The following HIC2 variants were observed in gnomAD, a reference collection of about 807,000 sequenced individuals.
The protein encoded by HIC2 is HIC ZBTB transcriptional repressor 2.
HIC2 carries 2 observed loss-of-function variants against 39.5 expected under a neutral mutation model. The observed-to-expected ratio is 0.05, with a 90% CI of 0.02 to 0.16. The LOEUF is 0.16. Ranked by LOEUF, HIC2 falls within the 10% of genes least tolerant of loss-of-function variation. The pLI is 1.00. For missense variants in HIC2, 713 were observed against 863.5 expected (o/e 0.83, Z 2.18); for synonymous variants, 399 against 368.8 (o/e 1.08, Z -0.94).
chr22:21,445,169 G>T lies in HIC2; in HGVS notation c.274G>T (p.Val92Leu). ...GGACACAGACATGGTCAGCTCCACA[G>T]TGTTCCAGCAGATCTTGGACTTCAT... ...NLDTDMVSSTVFQQILDFIYT... is the reference protein window; with the variant it reads ...NLDTDMVSSTLFQQILDFIYT... The change falls in exon 3 of 3, where the codon GTG becomes TTG. Residue 92 changes from valine to leucine, a missense_variant. By Grantham distance (32) the Val-to-Leu change is conservative. Around this residue, in one of 5 missense-constraint regions of HIC2, gnomAD observed 102 missense variants for 187.1 expected, o/e 0.55. Coordinates refer to ENST00000407464, the MANE Select transcript of HIC2 (RefSeq NM_015094.3). 6.2e-7 allele frequency: 1 copy of T among 1,614,024 alleles called. No homozygotes were observed. Among genetic ancestry groups the T allele is most frequent in the Non-Finnish European group, 8.5e-7 (1 of 1,180,006 alleles).
At chr22:21,425,478 C>T (rs1342703381) in intron 1 of HIC2, among the ~76,000 whole-genome samples, 32 of 148,804 alleles carry the variant, frequency 2.2e-4, no homozygotes, top group African/African-American at 7.6e-4. Context: ...AAGTCATTCT[C>T]GTGCCTCAGC....
In HIC2 at chr22:21,445,090, C is replaced by G. The variant is rs528151550; in HGVS notation, c.195C>G (p.Ala65=). The change falls in exon 3 of 3, where the codon GCC becomes GCG. Residue 65 remains alanine (A), a synonymous_variant. Transcript: ENST00000407464. ...TCCGGGCCCACAAGAACGTCCTAGC[C>G]GCCAGCAGCATCTATTTCAAGTCCC... is the stretch of plus-strand genomic sequence containing the variant. ...SIFRAHKNVL[A]ASSIYFKSLV... is the part of the protein sequence containing the mutation. The G allele has an allele frequency of 5.3e-5, 85 of 1,614,202 alleles. No homozygotes were observed. Among genetic ancestry groups the G allele is most frequent in the Non-Finnish European group, 2.5e-6 (3 of 1,180,048 alleles).
chr22:21,446,986 C>T lies in HIC2; in HGVS notation c.*243C>T. ...CCCATCCCACCCAGGCCCCCAGCTC[C>T]CCGCGGGGGCCACCGCAGGGCCTGT... On this transcript the variant is annotated 3_prime_UTR_variant, in exon 3 of 3. Coordinates refer to ENST00000407464, the MANE Select transcript of HIC2 (RefSeq NM_015094.3). The T allele has an allele frequency of 1.8e-6, 1 of 563,928 alleles. No individual in the cohort carries two copies. The highest frequency in any genetic ancestry group is 3.0e-6 in the Non-Finnish European group (1 of 328,718). The allele number at this position is 563,928 out of a possible 1,614,324, so 34.9% of individuals were successfully genotyped here.
At chr22:21,444,781 C>G in intron 2 of HIC2, 141 bp from the exon 3 acceptor site, 2 of 832,400 alleles carry the variant, frequency 2.4e-6, no homozygotes, top group Non-Finnish European at 3.7e-6. Context: ...GGCTTATGTG[C>G]CGTGTACTGT....
chr22:21,446,678 G>A lies in HIC2; in HGVS notation c.1783G>A (p.Gly595Arg), dbSNP rs200393389. 6 of 1,613,772 alleles carry A rather than the reference G, an allele frequency of 3.7e-6. No homozygotes were observed. The highest frequency in any genetic ancestry group is 1.3e-5 in the African/African-American group (1 of 75,048). ...GEKPYECQLC[G>R]GKFTQQRNLI... ...GAAACCTTACGAGTGCCAGCTGTGC[G>A]GGGGCAAGTTCACCCAGCAGCGCAA... The change falls in exon 3 of 3, where the codon GGG (glycine) becomes AGG (arginine). Residue 595 changes from glycine (G) to arginine (R), a missense_variant. By Grantham distance (125) the Gly-to-Arg change is moderately radical (BLOSUM62 -2). This residue lies in a region of HIC2 where 40 missense variants were observed against 124.4 expected (regional missense o/e 0.32). Coordinates refer to ENST00000407464, the MANE Select transcript of HIC2 (RefSeq NM_015094.3).
In HIC2 at chr22:21,449,422, AAAG is replaced by A. The variant is rs1340893852; in HGVS notation, c.*2682_*2684del. On this transcript the variant is annotated 3_prime_UTR_variant, in exon 3 of 3. Transcript: ENST00000407464. ...AGGAAAGAGAGGATAAACAAAGAAA[AAAG>A]AAAAAAAAATAAGCTCATACCCAAA... 6.5e-6 allele frequency: 1 copy of A among 152,776 alleles called. No individual in the cohort carries two copies. The highest frequency in any genetic ancestry group is 1.5e-5 in the Non-Finnish European group (1 of 68,052). The allele number at this position is 152,776 out of a possible 1,614,324, so 9.5% of individuals were successfully genotyped here. A position where few individuals can be genotyped will look rare whatever the true frequency, so the allele number is the denominator to read the frequency against.
Position 21,447,031 on chromosome 22 carries a change from TC to T in HIC2, c.*289del. ...GCCTGTGGGCTGGGTCACGTGGGTC[TC>T]GCTGGGACCTGGTCCCTTTGTTGCA... On this transcript the variant is annotated 3_prime_UTR_variant, in exon 3 of 3. Coordinates refer to ENST00000407464, the MANE Select transcript of HIC2 (RefSeq NM_015094.3). 1 of 445,808 alleles carries T rather than the reference TC, an allele frequency of 2.2e-6. No homozygotes were observed. Among genetic ancestry groups the T allele is most frequent in the South Asian group, 3.4e-5 (1 of 29,186 alleles). The allele number at this position is 445,808 out of a possible 1,614,324, so 27.6% of individuals were successfully genotyped here. A position where few individuals can be genotyped will look rare whatever the true frequency, so the allele number is the denominator to read the frequency against.
At position 21,445,488 on chromosome 22, in the gene HIC2, A is replaced by G. The variant is rs758684901; in HGVS notation, c.593A>G (p.Asp198Gly). 2 of 1,581,548 alleles carry G rather than the reference A, an allele frequency of 1.3e-6. No homozygotes were observed. Among genetic ancestry groups the G allele is most frequent in the Non-Finnish European group, 1.7e-6 (2 of 1,167,348 alleles). Residue 198 changes from aspartate to glycine, a missense_variant, in exon 3 of 3, where the codon GAC (aspartate) becomes GGC (glycine). This residue lies in a region of HIC2 where 457 missense variants were observed against 420.2 expected (regional missense o/e 1.09). Coordinates refer to ENST00000407464, the MANE Select transcript of HIC2 (RefSeq NM_015094.3). Reference sequence around the variant, plus strand: ...GAGCTCCCCCAAGCCAAAGGCTCAGACGATGAACTCTTTCTTGGTGGCTCT... The same window carrying G: ...GAGCTCCCCCAAGCCAAAGGCTCAGGCGATGAACTCTTTCTTGGTGGCTCT... ...PQELPQAKGS[D>G]DELFLGGSNQ...
rs944520969 is a variant in HIC2, at chr22:21,449,940, C to T, written c.*3197C>T. 6.6e-6 allele frequency: 1 copy of T among 152,636 alleles called. No homozygotes were observed. Among genetic ancestry groups the T allele is most frequent in the African/African-American group, 2.4e-5 (1 of 41,482 alleles). 9.5% of individuals were successfully genotyped at this position (152,636 alleles called of 1,614,324 possible). A position where few individuals can be genotyped will look rare whatever the true frequency, so the allele number is the denominator to read the frequency against. The stretch of plus-strand genomic sequence containing the variant: ...GATGGGTTGATGCGAGGGTCCCACT[C>T]AAGCCAAAAAGCCGGGACCTTTGCG... On this transcript the variant is annotated 3_prime_UTR_variant, in exon 3 of 3. Transcript: ENST00000407464.
rs1923915586 is a variant in HIC2, at chr22:21,447,401, A to C, written c.*658A>C. On this transcript the variant is annotated 3_prime_UTR_variant, in exon 3 of 3. Transcript: ENST00000407464. ...TTTAAACCAAAACAGACAATAGCTT[A>C]TTTTCTTTCCGCCCCCTCCGGGGCT... The C allele has an allele frequency of 6.6e-6, 1 of 152,612 alleles. No homozygotes were observed. The highest frequency in any genetic ancestry group is 1.5e-5 in the Non-Finnish European group (1 of 68,030). 9.5% of individuals were successfully genotyped at this position (152,612 alleles called of 1,614,324 possible). A position where few individuals can be genotyped will look rare whatever the true frequency, so the allele number is the denominator to read the frequency against.
intron 2 of HIC2, among the ~76,000 whole-genome samples, chr22:21,443,204 A>G (rs1443965968): frequency 6.6e-6 from 1 of 152,142 alleles, no homozygotes; most frequent in South Asian, 2.1e-4. Context: ...TCTCCAGCCC[A>G]TGAGCACCCT....
At chr22:21,444,432 C>G (rs77362533) in intron 2 of HIC2, among the ~76,000 whole-genome samples, 2 of 152,204 alleles carry the variant, frequency 1.3e-5, no homozygotes, top group Non-Finnish European at 2.9e-5. Context: ...GATTTGGGCC[C>G]TGCCGTATTT....
At chr22:21,443,068 C>T (rs563002352) in intron 2 of HIC2, among the ~76,000 whole-genome samples, 1 of 152,312 alleles carries the variant, frequency 6.6e-6, no homozygotes, top group East Asian at 1.9e-4. Context: ...GCTGGCAGAG[C>T]CGGCACTGAT....
At position 21,445,997 on chromosome 22, in the gene HIC2, G is replaced by T; in HGVS notation, c.1102G>T (p.Gly368Trp). The change falls in exon 3 of 3, where the codon GGG (glycine) becomes TGG (tryptophan). Residue 368 changes from glycine to tryptophan, a missense_variant. Gly to Trp is a radical substitution (Grantham distance 184). Around this residue, in one of 5 missense-constraint regions of HIC2, gnomAD observed 457 missense variants for 420.2 expected, o/e 1.09. Coordinates refer to ENST00000407464, the MANE Select transcript of HIC2 (RefSeq NM_015094.3). ...TCCCTGCCCGGGAGAGGAGGGTGAG[G>T]GGGTCGGGGACAGGGTTCCCAATGG... Reference protein sequence around the residue: ...KGPCPGEEGEGVGDRVPNGIL... With the variant: ...KGPCPGEEGEWVGDRVPNGIL... 6.4e-7 allele frequency: 1 copy of T among 1,568,186 alleles called. No homozygotes were observed. Among genetic ancestry groups the T allele is most frequent in the East Asian group, 2.3e-5 (1 of 44,076 alleles).
chr22:21,446,070 C>T lies in HIC2; in HGVS notation c.1175C>T (p.Pro392Leu). 1 of 1,607,328 alleles carries T rather than the reference C, an allele frequency of 6.2e-7. No homozygotes were observed. The highest frequency in any genetic ancestry group is 8.5e-7 in the Non-Finnish European group (1 of 1,179,310). ...AGPSGPYGEP[P>L]YPCKEEEENG... ...CCTAGCGGGCCCTATGGGGAGCCCC[C>T]CTACCCCTGCAAGGAGGAGGAGGAG... Residue 392 changes from proline to leucine, a missense_variant, in exon 3 of 3, where the codon CCC becomes CTC. This residue lies in a region of HIC2 where 457 missense variants were observed against 420.2 expected (regional missense o/e 1.09). Transcript: ENST00000407464.
At chr22:21,443,274 C>T (rs1923619793) in intron 2 of HIC2, among the ~76,000 whole-genome samples, 1 of 152,208 alleles carries the variant, frequency 6.6e-6, no homozygotes, top group Non-Finnish European at 1.5e-5. Context: ...CTTGCTGCCT[C>T]TTGCTGTTAG....
chr22:21,446,956 A>C lies in HIC2; in HGVS notation c.*213A>C. On this transcript the variant is annotated 3_prime_UTR_variant, in exon 3 of 3. Coordinates refer to ENST00000407464, the MANE Select transcript of HIC2 (RefSeq NM_015094.3). ...GGAAGCCAGGGGTCCCAGCCCGTCT[A>C]CCTCCCCATCCCACCCAGGCCCCCA... 3.0e-6 allele frequency: 2 copies of C among 675,552 alleles called. No individual in the cohort carries two copies. Among genetic ancestry groups the C allele is most frequent in the South Asian group, 2.3e-5 (1 of 43,270 alleles). The allele number at this position is 675,552 out of a possible 1,614,324, so 41.8% of individuals were successfully genotyped here. A position where few individuals can be genotyped will look rare whatever the true frequency, so the allele number is the denominator to read the frequency against.
intron 1 of HIC2, among the ~76,000 whole-genome samples, chr22:21,425,558 T>C (rs1437317977): frequency 3.0e-5 from 2 of 66,850 alleles, no homozygotes; most frequent in Admixed American, 2.4e-4. Flanking sequence ...TTTTTTTTTT[T>C]TGAGACGGAG....
intron 2 of HIC2, among the ~76,000 whole-genome samples, chr22:21,443,189 CGAAG>C (rs1923614124): frequency 6.6e-6 from 1 of 152,144 alleles, no homozygotes; most frequent in African/African-American, 2.4e-5. Flanking sequence ...GATTGGTTCA[CGAAG>C]TCTCCAGCCC....
Sources: allele counts gnomAD v4.1 joint callset (sites outside exome capture counted in the v4.1 genomes callset), GRCh38; gene constraint gnomAD v4.1.1; regional missense constraint gnomAD v4.1.1; transcripts MANE v1.5; gene names NCBI Gene and HGNC (gene_info 2026-07-23, HGNC 2026-07-21).